Variants in FARS2 observed in about 807,000 individuals in gnomAD.
FARS2 encodes phenylalanyl-tRNA synthetase 2, mitochondrial, also known as phenylalanine--tRNA ligase, mitochondrial.
In FARS2, 40 loss-of-function variants were observed where a neutral mutation model predicts 46.4. The observed-to-expected ratio is 0.86, with a 90% CI of 0.67 to 1.12. The LOEUF (loss-of-function observed/expected upper bound fraction) is 1.12, where lower values mean the gene tolerates loss of function less well. Among genes scored for constraint, FARS2 ranks in the 50% most tolerant of loss-of-function variants. FARS2 has a pLI of 0.00. For synonymous variants in FARS2, 234 were observed against 214.9 expected (o/e 1.09, Z -0.78); for missense variants, 513 against 567.9 (o/e 0.90, Z 0.98).
At chr6:5,577,391 C>T (rs1236805308) in intron 5 of FARS2, among the ~76,000 whole-genome samples, 1 of 151,910 alleles carries the variant, frequency 6.6e-6, no homozygotes, top group East Asian at 1.9e-4. Context: ...CCTAGCTCTG[C>T]CAGCTTTGAG....
intron 1 of FARS2, among the ~76,000 whole-genome samples, chr6:5,316,901 G>A (rs1358419766): frequency 3.3e-5 from 5 of 152,168 alleles, no homozygotes; most frequent in African/African-American, 9.7e-5. Flanking sequence ...GATGGGAAAT[G>A]CCCAGCTCTT....
rs1225961362 is a variant in FARS2, at chr6:5,519,947, A to G, written c.905-25233A>G. On this transcript the variant is annotated intron_variant, in intron 4 of 6. Transcript: ENST00000274680. ...AGAATTCAAGCTCAGAAGTTTTAGC[A>G]GTGACCTTTGATGACTTCCTTAAAA... Among the ~76,000 whole-genome samples, 7 of 152,368 alleles carry G rather than the reference A, an allele frequency of 4.6e-5. No homozygotes were observed. In the East Asian group the frequency reaches 9.6e-4, roughly 21 times the overall value.
intron 4 of FARS2, among the ~76,000 whole-genome samples, chr6:5,523,672 A>T (rs1013375371): frequency 6.6e-6 from 1 of 152,208 alleles, no homozygotes; most frequent in Non-Finnish European, 1.5e-5. Flanking sequence ...TTGGGTGCCA[A>T]TCTAGGCTAC....
intron 1 of FARS2, among the ~76,000 whole-genome samples, chr6:5,361,440 C>G (rs1393212081): frequency 6.6e-6 from 1 of 152,012 alleles, no homozygotes; most frequent in African/African-American, 2.4e-5. Flanking sequence ...GGGTAATTAC[C>G]CTGTCAAAGG....
intron 5 of FARS2, among the ~76,000 whole-genome samples, chr6:5,573,597 C>T (rs1404013979): frequency 6.6e-6 from 1 of 152,170 alleles, no homozygotes; most frequent in Non-Finnish European, 1.5e-5. Flanking sequence ...TTCTTTAGGC[C>T]GCATTCAGAC....
chr6:5,421,288 C>G (rs1307267127), intron 3 of FARS2, among the ~76,000 whole-genome samples: 1 of 152,198 alleles, frequency 6.6e-6, no homozygotes, highest in Non-Finnish European at 1.5e-5. Context: ...CACCAAGTCC[C>G]TAGGCTGCAC....
In FARS2 at chr6:5,303,013, G is replaced by T. The variant is rs528400238; in HGVS notation, c.-22+41353G>T. 2.6e-5 allele frequency among the ~76,000 whole-genome samples: 4 copies of T among 152,264 alleles called. No homozygotes were observed. In the South Asian group the frequency reaches 8.3e-4, roughly 32 times the overall value. On this transcript the variant is annotated intron_variant, in intron 1 of 6. Coordinates refer to ENST00000274680, the MANE Select transcript of FARS2 (RefSeq NM_006567.5). ...TCAGATACTGGGGTTTACATTTGTT[G>T]TTTCATTTGACCCTTATAATGATCC...
At chr6:5,688,508 G>A (rs1430498617) in intron 6 of FARS2, among the ~76,000 whole-genome samples, 10 of 152,270 alleles carry the variant, frequency 6.6e-5, no homozygotes, top group East Asian at 1.9e-4. Flanking sequence ...TACGTTTATC[G>A]ATTTGCGTAT....
intron 5 of FARS2, among the ~76,000 whole-genome samples, chr6:5,554,351 A>T (rs983849683): frequency 6.6e-6 from 1 of 152,214 alleles, no homozygotes; most frequent in Non-Finnish European, 1.5e-5. Flanking sequence ...AAGAATTTGG[A>T]AGCATCAGCA....
chr6:5,514,074 A>G (rs140546175), intron 4 of FARS2, among the ~76,000 whole-genome samples: 196 of 142,500 alleles, frequency 1.4e-3, no homozygotes, highest in African/African-American at 4.4e-3. Context: ...TAGAAAATTA[A>G]CATAAAAATC....
At chr6:5,351,490 A>G (rs1757570546) in intron 1 of FARS2, among the ~76,000 whole-genome samples, 1 of 152,238 alleles carries the variant, frequency 6.6e-6, no homozygotes. Flanking sequence ...TTCTTGTAAT[A>G]GCTTATGGAA....
At chr6:5,277,689 A>C (rs1214724951) in intron 1 of FARS2, among the ~76,000 whole-genome samples, 3 of 152,260 alleles carry the variant, frequency 2.0e-5, no homozygotes, top group African/African-American at 7.2e-5. Flanking sequence ...ATTTACAGTG[A>C]ATACATTTAA....
chr6:5,414,571 G>A (rs975099071), intron 3 of FARS2, among the ~76,000 whole-genome samples: 12 of 152,176 alleles, frequency 7.9e-5, no homozygotes, highest in African/African-American at 2.7e-4. Flanking sequence ...CATGCATTTT[G>A]TAGCGTGTTA....
intron 6 of FARS2, among the ~76,000 whole-genome samples, chr6:5,682,511 TG>T (rs1436328454): frequency 1.3e-5 from 2 of 152,248 alleles, no homozygotes; most frequent in Non-Finnish European, 2.9e-5. Context: ...AAGGGAACAC[TG>T]AATGTGTCAT....
chr6:5,344,851 TG>T (rs1290146719), intron 1 of FARS2, among the ~76,000 whole-genome samples: 5 of 151,416 alleles, frequency 3.3e-5, no homozygotes, highest in African/African-American at 1.2e-4. Flanking sequence ...TGCAGTGGTG[TG>T]GTTTCAAGCT....
At chr6:5,504,630 A>G (rs1175409543) in intron 4 of FARS2, among the ~76,000 whole-genome samples, 2 of 152,170 alleles carry the variant, frequency 1.3e-5, no homozygotes, top group Non-Finnish European at 2.9e-5. Context: ...TACTGACACC[A>G]AGCTCGTATC....
chr6:5,252,562 A>T, the FARS2 span, among the ~76,000 whole-genome samples: 86 of 152,134 alleles, frequency 5.7e-4, no homozygotes, highest in African/African-American at 2.1e-3. Flanking sequence ...TGGCTGACAC[A>T]GACTGTTGCC....
At chr6:5,430,973 A>G in intron 3 of FARS2, 68 bp from the exon 4 acceptor site, 2 of 1,541,502 alleles carry the variant, frequency 1.3e-6, no homozygotes, top group Non-Finnish European at 1.8e-6. Flanking sequence ...TAGAAGGGAA[A>G]ATTTGATCAC....
At chr6:5,747,140 A>C (rs1288593043) in intron 6 of FARS2, among the ~76,000 whole-genome samples, 1 of 152,188 alleles carries the variant, frequency 6.6e-6, no homozygotes, top group African/African-American at 2.4e-5. Context: ...AAGAGAGGCC[A>C]CAGCAGTTAG....
Sources: allele counts gnomAD v4.1 joint callset (sites outside exome capture counted in the v4.1 genomes callset), GRCh38; gene constraint gnomAD v4.1.1; transcripts MANE v1.5; gene names NCBI Gene and HGNC (gene_info 2026-07-23, HGNC 2026-07-21).